The following FAM178B variants were observed in gnomAD, a reference collection of about 807,000 sequenced individuals.
The protein encoded by FAM178B is family with sequence similarity 178 member B.
Under a neutral mutation model 91.7 loss-of-function variants are expected in FAM178B, and 82 were observed. The observed-to-expected ratio is 0.89, with a 90% confidence interval of 0.75 to 1.07. The LOEUF (loss-of-function observed/expected upper bound fraction) is 1.07, where lower values mean the gene tolerates loss of function less well. Ranked by LOEUF, FAM178B falls within the 50% of genes least tolerant of loss-of-function variation. FAM178B has a pLI of 0.00. For synonymous variants in FAM178B, 368 were observed against 359.4 expected (o/e 1.02, Z -0.27); for missense variants, 769 against 846.7 (o/e 0.91, Z 1.14).
At chr2:96,887,030 T>A (rs555612327) in intron 14 of FAM178B, among the ~76,000 whole-genome samples, 1 of 152,176 alleles carries the variant, frequency 6.6e-6, no homozygotes, top group African/African-American at 2.4e-5. Flanking sequence ...CTGGTTAACA[T>A]GGTGAAACCC....
intron 1 of FAM178B, among the ~76,000 whole-genome samples, chr2:96,974,476 G>C (rs1002021248): frequency 2.1e-5 from 3 of 143,738 alleles, no homozygotes; most frequent in African/African-American, 7.8e-5. Flanking sequence ...GGAAGAAAAA[G>C]AAAAATATAT....
intron 1 of FAM178B, among the ~76,000 whole-genome samples, chr2:96,983,893 T>C (rs1403776445): frequency 6.6e-6 from 1 of 152,274 alleles, no homozygotes; most frequent in Non-Finnish European, 1.5e-5. Context: ...ATCATATGAA[T>C]AACTACTACT....
intron 1 of FAM178B, among the ~76,000 whole-genome samples, chr2:96,974,913 A>C (rs1257794930): frequency 6.6e-6 from 1 of 152,120 alleles, no homozygotes; most frequent in East Asian, 1.9e-4. Flanking sequence ...CAACATGATG[A>C]AACACCGCCT....
chr2:96,905,450 C>T (rs370506524), intron 12 of FAM178B, among the ~76,000 whole-genome samples: 1 of 150,428 alleles, frequency 6.6e-6, no homozygotes, highest in Non-Finnish European at 1.5e-5. Context: ...CCTAGCTACT[C>T]GGGAGGCTGA....
At chr2:96,885,509 G>A (rs550355467) in intron 14 of FAM178B, among the ~76,000 whole-genome samples, 24 of 152,368 alleles carry the variant, frequency 1.6e-4, no homozygotes, top group Admixed American at 7.2e-4. Context: ...AGGCCATGGC[G>A]CATGGGGCTG....
rs145102699 is a variant in FAM178B at position 96,891,101 on chromosome 2, AGCCAGGACACACG to A, written c.1776+2812_1776+2824del. ...CCTGCTCAGCTAGGACTGTGGTCAA[AGCCAGGACACACG>A]GCCAGTGCAGGCATCTATGTTGCCC... is the stretch of plus-strand genomic sequence containing the variant. On this transcript the variant is annotated intron_variant, in intron 14 of 16. Transcript: ENST00000490605. Among the ~76,000 whole-genome samples the A allele has an allele frequency of 4.6e-3, 699 of 152,376 alleles. 2 individuals are homozygous for A. Among genetic ancestry groups the A allele is most frequent in the African/African-American group, 0.016 (682 of 41,590 alleles).
intron 8 of FAM178B, among the ~76,000 whole-genome samples, chr2:96,931,562 G>A (rs1175062444): frequency 6.6e-6 from 1 of 152,186 alleles, no homozygotes; most frequent in African/African-American, 2.4e-5. Flanking sequence ...AGCATGGCAT[G>A]TCAAGACTGG....
intron 6 of FAM178B, 131 bp from the exon 7 acceptor site, chr2:96,951,615 T>C (rs1313884786): frequency 1.0e-5 from 7 of 701,180 alleles, no homozygotes; most frequent in Non-Finnish European, 1.8e-5. Context: ...TAGAGACAAA[T>C]GTGCTTTTCA....
chr2:96,937,052 TTTGTTG>T (rs143294079), intron 8 of FAM178B, among the ~76,000 whole-genome samples: 40 of 119,148 alleles, frequency 3.4e-4, no homozygotes, highest in African/African-American at 1.9e-3. Context: ...ATGCCCAGGT[TTTGTTG>T]TTGTTGTTGT....
At chr2:96,880,293 C>T (rs555853244) in intron 14 of FAM178B, among the ~76,000 whole-genome samples, 50 of 152,130 alleles carry the variant, frequency 3.3e-4, no homozygotes, top group African/African-American at 1.1e-3. Context: ...ACCCTGAGGG[C>T]GGTTCCAGAA....
chr2:96,891,115 G>C (rs2080668626), intron 14 of FAM178B, among the ~76,000 whole-genome samples: 1 of 150,812 alleles, frequency 6.6e-6, no homozygotes, highest in Non-Finnish European at 1.5e-5. Flanking sequence ...AGGACACACG[G>C]CCAGTGCAGG....
intron 8 of FAM178B, among the ~76,000 whole-genome samples, chr2:96,945,796 C>A (rs535822657): frequency 9.2e-5 from 14 of 152,258 alleles, no homozygotes; most frequent in Admixed American, 9.2e-4. Flanking sequence ...GGCACCTGGC[C>A]CTTTTGCTCT....
chr2:96,885,516 G>A (rs570107045), intron 14 of FAM178B, among the ~76,000 whole-genome samples: 1 of 152,376 alleles, frequency 6.6e-6, no homozygotes, highest in East Asian at 1.9e-4. Flanking sequence ...GGCGCATGGG[G>A]CTGGGGAGGG....
chr2:96,906,288 G>A (rs559424875), intron 12 of FAM178B, among the ~76,000 whole-genome samples: 5 of 147,736 alleles, frequency 3.4e-5, no homozygotes, highest in Admixed American at 1.4e-4. Context: ...TGCAAGCTCC[G>A]CCTCCTGGGT....
intron 9 of FAM178B, among the ~76,000 whole-genome samples, chr2:96,925,153 G>A (rs539004824): frequency 2.2e-4 from 33 of 152,262 alleles, no homozygotes; most frequent in African/African-American, 7.0e-4. Flanking sequence ...TGCAACACGC[G>A]CAGCCATAGG....
At chr2:96,894,396 C>G (rs1307769153) in intron 13 of FAM178B, among the ~76,000 whole-genome samples, 1 of 129,054 alleles carries the variant, frequency 7.7e-6, no homozygotes, top group Non-Finnish European at 1.7e-5. Context: ...CCACACATAC[C>G]CAGGCCTCCC....
intron 14 of FAM178B, among the ~76,000 whole-genome samples, chr2:96,882,147 G>C (rs1429365711): frequency 6.6e-6 from 1 of 152,220 alleles, no homozygotes; most frequent in Non-Finnish European, 1.5e-5. Context: ...AGAGGTAAGA[G>C]AGAGTCTGAT....
intron 6 of FAM178B, among the ~76,000 whole-genome samples, chr2:96,959,357 T>C (rs2082048538): frequency 6.6e-6 from 1 of 152,198 alleles, no homozygotes; most frequent in Admixed American, 6.5e-5. Context: ...CTTTGATATG[T>C]GTTTGTTAAC....
At chr2:96,930,412 T>A (rs1450931120) in intron 8 of FAM178B, among the ~76,000 whole-genome samples, 1 of 152,092 alleles carries the variant, frequency 6.6e-6, no homozygotes, top group South Asian at 2.1e-4. Context: ...TCCTGCCCCA[T>A]GTGTTCTCTG....
Sources: allele counts gnomAD v4.1 joint callset (sites outside exome capture counted in the v4.1 genomes callset), GRCh38; gene constraint gnomAD v4.1.1; transcripts MANE v1.5; gene names NCBI Gene and HGNC (gene_info 2026-07-23, HGNC 2026-07-21).